Variants in DPP6 observed in about 807,000 individuals in gnomAD.
DPP6 encodes A-type potassium channel modulatory protein DPP6.
Under a neutral mutation model 122.6 loss-of-function variants are expected in DPP6, and 69 were observed. That is an observed-to-expected ratio of 0.56 (90% CI 0.46 to 0.69). The LOEUF (loss-of-function observed/expected upper bound fraction) is 0.69. Ranked by LOEUF, DPP6 falls within the 30% of genes least tolerant of loss-of-function variation. DPP6 has a pLI of 0.00. For missense variants in DPP6, 928 were observed against 1,116.9 expected, an observed-to-expected ratio of 0.83 and a Z score of 2.41; for synonymous variants, 418 against 433.1, an observed-to-expected ratio of 0.97 and a Z score of 0.43.
intron 1 of DPP6, among the ~76,000 whole-genome samples, chr7:153,896,317 T>C (rs2861483): frequency 0.23 from 35,760 of 152,190 alleles, 4,309 homozygotes; most frequent in East Asian, 0.35. Context: ...AAAATGGTAC[T>C]TCTAGGGTAT....
chr7:154,199,000 G>T (rs1196486421), intron 1 of DPP6, among the ~76,000 whole-genome samples: 4 of 144,210 alleles, frequency 2.8e-5, no homozygotes. Flanking sequence ...CCTTCACCTG[G>T]GCTATTGGTT....
intron 1 of DPP6, among the ~76,000 whole-genome samples, chr7:153,988,395 T>G (rs181661896): frequency 1.3e-5 from 2 of 152,190 alleles, no homozygotes; most frequent in African/African-American, 4.8e-5. Flanking sequence ...GTTTGCCTGC[T>G]GTGCTGGTAA....
chr7:154,207,806 G>A (rs575601048), intron 1 of DPP6, among the ~76,000 whole-genome samples: 7 of 152,054 alleles, frequency 4.6e-5, no homozygotes, highest in South Asian at 2.1e-4. Flanking sequence ...TTTTTTTAAC[G>A]TAGCCGGATG....
chr7:154,748,581 G>A (rs1224269423), intron 8 of DPP6, among the ~76,000 whole-genome samples: 1 of 152,238 alleles, frequency 6.6e-6, no homozygotes, highest in Non-Finnish European at 1.5e-5. Context: ...GAGCCCTGCG[G>A]GGCGGGGAGG....
chr7:154,803,096 C>T (rs943084986), intron 13 of DPP6, among the ~76,000 whole-genome samples: 1 of 152,182 alleles, frequency 6.6e-6, no homozygotes, highest in Non-Finnish European at 1.5e-5. Context: ...CCAGGCCCTG[C>T]TGCCCCCCAA....
intron 1 of DPP6, among the ~76,000 whole-genome samples, chr7:154,374,546 G>A (rs1490791530): frequency 6.6e-6 from 1 of 151,974 alleles, no homozygotes; most frequent in Non-Finnish European, 1.5e-5. Context: ...CACTTTGAGA[G>A]AATGGGCTGA....
chr7:154,042,439 A>G (rs560331002), intron 1 of DPP6, among the ~76,000 whole-genome samples: 32 of 152,304 alleles, frequency 2.1e-4, no homozygotes, highest in Admixed American at 2.1e-3. Flanking sequence ...AAACAACAAC[A>G]AAAACCTTCT....
intron 1 of DPP6, among the ~76,000 whole-genome samples, chr7:154,044,059 G>A (rs1191864258): frequency 2.6e-5 from 4 of 151,690 alleles, no homozygotes; most frequent in African/African-American, 9.7e-5. Flanking sequence ...CTGCAGCTGA[G>A]AGTCACTGTT....
At chr7:154,274,116 C>T (rs1305215614) in intron 1 of DPP6, among the ~76,000 whole-genome samples, 2 of 152,168 alleles carry the variant, frequency 1.3e-5, no homozygotes, top group Non-Finnish European at 1.5e-5. Flanking sequence ...TAGAGGAGTC[C>T]TGAGAAATTG....
chr7:153,784,624 G>T, the DPP6 span, among the ~76,000 whole-genome samples: 1 of 152,148 alleles, frequency 6.6e-6, no homozygotes, highest in Non-Finnish European at 1.5e-5. Context: ...GAGTTAAATT[G>T]CAGTGAAGCT....
the DPP6 span, among the ~76,000 whole-genome samples, chr7:153,804,173 G>A: frequency 8.7e-3 from 1,319 of 151,248 alleles, 6 homozygotes; most frequent in African/African-American, 0.029. Flanking sequence ...CCTCAGCCTC[G>A]TGAGTAGCTG....
intron 13 of DPP6, among the ~76,000 whole-genome samples, chr7:154,803,012 G>A (rs1460088574): frequency 1.3e-5 from 2 of 151,924 alleles, no homozygotes; most frequent in Non-Finnish European, 2.9e-5. Flanking sequence ...GGAACCCCTC[G>A]GGGGGCCCCC....
chr7:154,633,734 T>A (rs1586775468), intron 5 of DPP6, among the ~76,000 whole-genome samples: 1 of 152,358 alleles, frequency 6.6e-6, no homozygotes, highest in East Asian at 1.9e-4. Context: ...CTGCAGTTCT[T>A]TTGGCTTGAT....
intron 1 of DPP6, among the ~76,000 whole-genome samples, chr7:154,290,421 T>G (rs1333001117): frequency 6.6e-6 from 1 of 151,596 alleles, no homozygotes; most frequent in Non-Finnish European, 1.5e-5. Flanking sequence ...GCAGAGTCGA[T>G]TTTTTCCCTT....
At chr7:153,837,070 T>G in the DPP6 span, among the ~76,000 whole-genome samples, 1 of 152,188 alleles carries the variant, frequency 6.6e-6, no homozygotes, top group Admixed American at 6.6e-5. Context: ...AGAAAATATT[T>G]GACACTGAGA....
intron 1 of DPP6, among the ~76,000 whole-genome samples, chr7:154,017,348 T>C (rs554733023): frequency 3.9e-5 from 6 of 152,288 alleles, no homozygotes; most frequent in African/African-American, 1.4e-4. Context: ...GGATTACAGA[T>C]GGGATTACAG....
chr7:154,887,558 TG>T, intron 22 of DPP6, 117 bp from the exon 23 acceptor site: 1 of 956,406 alleles, frequency 1.0e-6, no homozygotes, highest in Non-Finnish European at 1.7e-6. Context: ...AAGTGGCAAG[TG>T]GGAATGAGCC....
In DPP6 at chr7:154,893,226, T is replaced by G; in HGVS notation, c.*746T>G. On this transcript the variant is annotated 3_prime_UTR_variant, in exon 26 of 26. Transcript: ENST00000377770. The stretch of plus-strand genomic sequence containing the variant: ...GATGAAGAAGCAGATCGGAAGTAAC[T>G]GCTCCCTCCTCAAGGTTGTCTTCAG... 1 of 281,718 alleles carries G rather than the reference T, an allele frequency of 3.5e-6. No individual in the cohort carries two copies. The highest frequency in any genetic ancestry group is 3.2e-5 in the South Asian group (1 of 31,014). The allele number at this position is 281,718 out of a possible 1,614,324, so 17.5% of individuals were successfully genotyped here. A position where few individuals can be genotyped will look rare whatever the true frequency, so the allele number is the denominator to read the frequency against.
At chr7:154,173,225 C>T (rs1031763767) in intron 1 of DPP6, among the ~76,000 whole-genome samples, 1 of 152,156 alleles carries the variant, frequency 6.6e-6, no homozygotes, top group African/African-American at 2.4e-5. Context: ...TGGTTTCTGA[C>T]TGTGCCAGCG....
Sources: allele counts gnomAD v4.1 joint callset (sites outside exome capture counted in the v4.1 genomes callset), GRCh38; gene constraint gnomAD v4.1.1; transcripts MANE v1.5; gene names NCBI Gene and HGNC (gene_info 2026-07-23, HGNC 2026-07-21).